Variants in GPHN observed in about 807,000 individuals in gnomAD.
GPHN encodes gephyrin.
A neutral mutation model predicts 95.5 loss-of-function variants in GPHN; 17 were observed. The observed-to-expected ratio is 0.18, with a 90% CI of 0.12 to 0.27. The LOEUF (loss-of-function observed/expected upper bound fraction) is 0.27, where lower values mean the gene tolerates loss of function less well. GPHN is among the 10% of genes least tolerant of loss of function. GPHN has a pLI of 1.00. For missense variants in GPHN, 660 were observed against 978.1 expected, an observed-to-expected ratio of 0.67 and a Z score of 4.34; for synonymous variants, 320 against 322.5, an observed-to-expected ratio of 0.99 and a Z score of 0.08.
At chr14:66,969,106 T>C (rs1272621555) in intron 9 of GPHN, 1 of 152,146 alleles carries the variant, frequency 6.6e-6, no homozygotes, top group Non-Finnish European at 1.5e-5. Flanking sequence ...AGATTATATT[T>C]TCTCCAGCAA....
the GPHN span, among the ~76,000 whole-genome samples, chr14:67,707,349 A>G: frequency 2.0e-5 from 3 of 152,206 alleles, no homozygotes; most frequent in African/African-American, 7.2e-5. Flanking sequence ...CCAGTTTCCC[A>G]TTTTTACTAA....
At chr14:66,553,964 T>A (rs931398017) in intron 1 of GPHN, among the ~76,000 whole-genome samples, 6 of 152,240 alleles carry the variant, frequency 3.9e-5, no homozygotes, top group African/African-American at 1.2e-4. Context: ...TCTAAATTAT[T>A]GATTTTTAAC....
At chr14:66,880,060 A>G (rs780672547) in intron 5 of GPHN, 27 bp downstream of exon 5, 2 of 1,350,638 alleles carry the variant, frequency 1.5e-6, no homozygotes, top group Non-Finnish European at 2.1e-6. Context: ...CATGTTGCAA[A>G]CCATTTGCTA....
Position 66,965,255 on chromosome 14 carries a change from C to T in GPHN, c.893C>T (p.Thr298Ile), listed in dbSNP as rs1447925769. ...CCACGAGACACAGCCTCCCTCAGCA[C>T]TACTCCTTCAGAATCGCCTCGTGCT... ...VLPRDTASLS[T>I]TPSESPRAQA... Residue 298 changes from threonine to isoleucine, a missense_variant, in exon 9 of 23, where the codon ACT becomes ATT. This residue lies in a region of GPHN where 190 missense variants were observed against 224.7 expected (regional missense o/e 0.85). Coordinates refer to ENST00000478722, the MANE Select transcript of GPHN (RefSeq NM_020806.5). The T allele has an allele frequency of 1.9e-6, 3 of 1,612,372 alleles. No individual in the cohort carries two copies. Among genetic ancestry groups the T allele is most frequent in the Non-Finnish European group, 2.5e-6 (3 of 1,178,538 alleles).
At chr14:67,599,918 T>C in the GPHN span, 3 of 907,642 alleles carry the variant, frequency 3.3e-6, no homozygotes, top group African/African-American at 3.4e-5. Flanking sequence ...GTCCTATCAC[T>C]GTAGGAGGGG....
chr14:67,646,170 GT>G, the GPHN span, among the ~76,000 whole-genome samples: 1 of 152,196 alleles, frequency 6.6e-6, no homozygotes, highest in Non-Finnish European at 1.5e-5. Flanking sequence ...GGGAGTCCAT[GT>G]TAGGCACAGA....
At chr14:67,176,154 C>T (rs750374993) in intron 21 of GPHN, among the ~76,000 whole-genome samples, 6 of 152,128 alleles carry the variant, frequency 3.9e-5, no homozygotes, top group African/African-American at 7.2e-5. Context: ...TGTCTTGCAC[C>T]GGTTTTCAAA....
chr14:67,596,559 C>T, the GPHN span, among the ~76,000 whole-genome samples: 1 of 152,142 alleles, frequency 6.6e-6, no homozygotes, highest in Non-Finnish European at 1.5e-5. Flanking sequence ...ATTCTTTGCA[C>T]TGACAAGATG....
At chr14:66,932,466 T>TTTTTTG (rs2066873879) in intron 8 of GPHN, among the ~76,000 whole-genome samples, 1 of 134,338 alleles carries the variant, frequency 7.4e-6, no homozygotes, top group Non-Finnish European at 1.6e-5. Flanking sequence ...TTTTTTTTTT[T>TTTTTTG]TTTTTTTTTT....
At chr14:66,535,026 G>T (rs2059090695) in intron 1 of GPHN, among the ~76,000 whole-genome samples, 1 of 151,972 alleles carries the variant, frequency 6.6e-6, no homozygotes, top group African/African-American at 2.4e-5. Flanking sequence ...TAGTTGGTTT[G>T]TTAATGTTTT....
the GPHN span, among the ~76,000 whole-genome samples, chr14:67,665,342 C>A: frequency 0.083 from 12,561 of 150,934 alleles, 722 homozygotes; most frequent in East Asian, 0.23. Flanking sequence ...CCTCGACCTC[C>A]CAGGCTGAAG....
rs2075139007 is a variant in GPHN at position 67,048,368 on chromosome 14, A to G, written c.1007-10281A>G. 2.0e-5 allele frequency among the ~76,000 whole-genome samples: 3 copies of G among 152,326 alleles called. No homozygotes were observed. In the South Asian group the frequency reaches 6.2e-4, roughly 32 times the overall value. On this transcript the variant is annotated intron_variant, in intron 10 of 22. Transcript: ENST00000478722. ...TCTGAACTAAAATATAGTCAACCTCATCTCTGGACTAAACTGGAAAATGTA... is the reference window on the plus strand; with the variant it reads ...TCTGAACTAAAATATAGTCAACCTCGTCTCTGGACTAAACTGGAAAATGTA...
chr14:67,317,381 A>G, the GPHN span: 1 of 1,568,500 alleles, frequency 6.4e-7, no homozygotes, highest in Non-Finnish European at 8.7e-7. Flanking sequence ...GAACACATTT[A>G]TAGTTATGTT....
intron 4 of GPHN, among the ~76,000 whole-genome samples, chr14:66,835,342 G>C (rs1371699464): frequency 6.6e-6 from 1 of 151,616 alleles, no homozygotes. Context: ...TTTTAATTGT[G>C]ATGTGAGGGT....
At chr14:66,594,527 A>G (rs1211620884) in intron 1 of GPHN, among the ~76,000 whole-genome samples, 1 of 152,178 alleles carries the variant, frequency 6.6e-6, no homozygotes, top group Non-Finnish European at 1.5e-5. Flanking sequence ...TTTATCGCCA[A>G]TTGATTGTTG....
the GPHN span, among the ~76,000 whole-genome samples, chr14:67,505,444 T>C: frequency 6.6e-6 from 1 of 152,200 alleles, no homozygotes; most frequent in Non-Finnish European, 1.5e-5. Context: ...ACGTTGGCCA[T>C]CTGCTGTTGG....
the GPHN span, among the ~76,000 whole-genome samples, chr14:67,486,203 T>C: frequency 3.9e-5 from 6 of 152,210 alleles, no homozygotes; most frequent in Non-Finnish European, 7.3e-5. Context: ...TGGGAGGTAA[T>C]TGAATCATGG....
chr14:67,525,323 T>C, the GPHN span, among the ~76,000 whole-genome samples: 1 of 152,264 alleles, frequency 6.6e-6, no homozygotes, highest in South Asian at 2.1e-4. Flanking sequence ...CATTAAGTAA[T>C]GAATATCTTT....
At chr14:67,433,736 A>G in the GPHN span, among the ~76,000 whole-genome samples, 26 of 152,236 alleles carry the variant, frequency 1.7e-4, no homozygotes, top group Non-Finnish European at 2.4e-4. Flanking sequence ...AGGGTAATAG[A>G]AGAGACATAC....
Sources: gnomAD v4.1 joint callset for allele counts (sites outside exome capture counted in the v4.1 genomes callset) on GRCh38, gnomAD v4.1.1 for gene constraint, gnomAD v4.1.1 regional missense constraint, MANE v1.5 for transcripts, NCBI Gene and HGNC (gene_info 2026-07-23, HGNC 2026-07-21) for gene names.